CDH13: variants seen among roughly 807,000 people sequenced by gnomAD.
The protein encoded by CDH13 is cadherin-13.
CDH13 carries 24 observed loss-of-function variants against 63.8 expected under a neutral mutation model. The ratio of observed to expected loss-of-function variants is 0.38; its 90% CI spans 0.27 to 0.53. The LOEUF (loss-of-function observed/expected upper bound fraction) is 0.53, where lower values mean the gene tolerates loss of function less well. CDH13 is among the 20% of genes least tolerant of loss of function. The pLI, the probability that CDH13 is intolerant of heterozygous loss-of-function variation, is 0.85. For missense variants in CDH13, 1,049 were observed against 903.1 expected, an observed-to-expected ratio of 1.16 and a Z score of -2.07; for synonymous variants, 503 against 355.3, an observed-to-expected ratio of 1.42 and a Z score of -4.67.
At chr16:83,565,386 T>TTG (rs1283279983) in intron 7 of CDH13, among the ~76,000 whole-genome samples, 18 of 149,206 alleles carry the variant, frequency 1.2e-4, no homozygotes, top group African/African-American at 4.4e-4. Flanking sequence ...CACTGTTCTT[T>TTG]TTTTTTTTTT....
chr16:83,051,548 C>T (rs1473616875), intron 3 of CDH13, among the ~76,000 whole-genome samples: 1 of 152,154 alleles, frequency 6.6e-6, no homozygotes, highest in East Asian at 1.9e-4. Context: ...GCTACAGAAA[C>T]ATCATATACT....
rs2035155470 is a variant in CDH13, at chr16:82,768,776, G to A, written c.46-89586G>A. Among the ~76,000 whole-genome samples the A allele has an allele frequency of 3.9e-5, 6 of 152,270 alleles. No individual in the cohort carries two copies. In the South Asian group the frequency reaches 1.2e-3, roughly 32 times the overall value. On this transcript the variant is annotated intron_variant, in intron 1 of 13. Transcript: ENST00000567109. ...TCAGGCTCTGACCTCTTGTTTCTTT[G>A]CTGTCTAACCCAGCAGACCATCCTC...
Position 82,842,139 on chromosome 16 carries a change from CACATATAT to C in CDH13, c.46-16221_46-16214del, listed in dbSNP as rs1324652402. ...ATATATATATATATATATATATATACACATATATATATATATATATATATACACACACA... is the reference window on the plus strand; with the variant it reads ...ATATATATATATATATATATATATACATATATATATATATATACACACACA... On this transcript the variant is annotated intron_variant, in intron 1 of 13. Transcript: ENST00000567109. 2.4e-3 allele frequency among the ~76,000 whole-genome samples: 139 copies of C among 57,140 alleles called. 10 individuals carry two copies. Among genetic ancestry groups the C allele is most frequent in the African/African-American group, 7.7e-3 (120 of 15,598 alleles). 37.5% of individuals were successfully genotyped at this position (57,140 alleles called of 152,430 possible).
intron 6 of CDH13, among the ~76,000 whole-genome samples, chr16:83,409,286 A>T (rs1164852409): frequency 6.7e-6 from 1 of 149,698 alleles, no homozygotes; most frequent in Non-Finnish European, 1.5e-5. Flanking sequence ...TTCTTGACTG[A>T]TTGAAGGCTG....
intron 7 of CDH13, among the ~76,000 whole-genome samples, chr16:83,572,401 A>C (rs1008197922): frequency 6.6e-6 from 1 of 152,140 alleles, no homozygotes; most frequent in Admixed American, 6.6e-5. Flanking sequence ...TCGGCCTCAC[A>C]AAATGTTGGG....
rs145546064 is a variant in CDH13 at position 83,010,659 on chromosome 16, A to T, written c.158-21351A>T. Among the ~76,000 whole-genome samples the T allele has an allele frequency of 4.3e-4, 65 of 152,306 alleles. No individual in the cohort carries two copies. The South Asian group carries it at 9.9e-3, about 23-fold the overall frequency. On this transcript the variant is annotated intron_variant, in intron 2 of 13. Transcript: ENST00000567109. ...CCTCCTTGTGGGTGAATCTGCTGCA[A>T]ACAGGGCTGATGAAGTCCCTAATGG...
intron 12 of CDH13, among the ~76,000 whole-genome samples, chr16:83,781,962 A>G (rs1295432278): frequency 2.6e-5 from 4 of 152,020 alleles, no homozygotes; most frequent in Non-Finnish European, 5.9e-5. Context: ...AAAAGATTGT[A>G]TCCTCTACTA....
intron 2 of CDH13, among the ~76,000 whole-genome samples, chr16:82,876,858 C>T (rs1360896742): frequency 6.6e-6 from 1 of 152,058 alleles, no homozygotes; most frequent in Admixed American, 6.6e-5. Context: ...AGAGGTAGCC[C>T]AAACAAGGGG....
intron 2 of CDH13, among the ~76,000 whole-genome samples, chr16:82,865,834 G>T (rs1252041190): frequency 6.6e-6 from 1 of 152,072 alleles, no homozygotes; most frequent in Admixed American, 6.5e-5. Flanking sequence ...TCATCTTCAG[G>T]CTGCAAATTT....
chr16:83,060,027 C>G (rs937313057), intron 3 of CDH13, among the ~76,000 whole-genome samples: 29 of 152,112 alleles, frequency 1.9e-4, no homozygotes, highest in South Asian at 1.0e-3. Flanking sequence ...ATCTCCTGAC[C>G]TTGTGATCCG....
At chr16:83,427,829 G>T (rs943936370) in intron 6 of CDH13, among the ~76,000 whole-genome samples, 3 of 152,202 alleles carry the variant, frequency 2.0e-5, no homozygotes, top group East Asian at 3.8e-4. Flanking sequence ...GTGAGCTTCT[G>T]TTCCCCTAAT....
intron 4 of CDH13, among the ~76,000 whole-genome samples, chr16:83,163,329 C>G (rs1283601836): frequency 6.6e-6 from 1 of 151,988 alleles, no homozygotes; most frequent in Non-Finnish European, 1.5e-5. Context: ...CATAGGTTCT[C>G]TGCATTGGTT....
At position 83,308,460 on chromosome 16, in the gene CDH13, C is replaced by T. The variant is rs148478025; in HGVS notation, c.637-36402C>T. 1.1e-4 allele frequency among the ~76,000 whole-genome samples: 16 copies of T among 152,304 alleles called. No individual in the cohort carries two copies. In the East Asian group the frequency reaches 1.7e-3, roughly 17 times the overall value. ...TCTCAGAAGATCTCCTACATGAATTCCTTCAAACTTGAGAATTACATTTAC... is the reference window on the plus strand; with the variant it reads ...TCTCAGAAGATCTCCTACATGAATTTCTTCAAACTTGAGAATTACATTTAC... On this transcript the variant is annotated intron_variant, in intron 5 of 13. Transcript: ENST00000567109.
intron 3 of CDH13, among the ~76,000 whole-genome samples, chr16:83,074,279 A>G (rs927449931): frequency 3.3e-5 from 5 of 152,200 alleles, no homozygotes; most frequent in Non-Finnish European, 5.9e-5. Context: ...ATTTGACATA[A>G]CTATCTCCAG....
At chr16:83,662,618 A>T (rs1487755533) in intron 8 of CDH13, among the ~76,000 whole-genome samples, 1 of 152,122 alleles carries the variant, frequency 6.6e-6, no homozygotes. Context: ...TGTGGGGGGT[A>T]TTATCCTATT....
intron 6 of CDH13, among the ~76,000 whole-genome samples, chr16:83,400,778 C>T (rs1487887548): frequency 2.0e-5 from 3 of 152,118 alleles, no homozygotes; most frequent in Non-Finnish European, 4.4e-5. Context: ...TTCCATTTGG[C>T]CCAGTTGCTG....
At chr16:83,280,668 T>G (rs1323235260) in intron 5 of CDH13, among the ~76,000 whole-genome samples, 1 of 136,318 alleles carries the variant, frequency 7.3e-6, no homozygotes, top group South Asian at 2.6e-4. Flanking sequence ...AGAAATCATA[T>G]GCCAGCTATG....
chr16:82,896,571 C>G (rs960895224), intron 2 of CDH13, among the ~76,000 whole-genome samples: 1 of 151,670 alleles, frequency 6.6e-6, no homozygotes, highest in African/African-American at 2.4e-5. Context: ...GATGGGATTA[C>G]AGGTGTGAGC....
intron 1 of CDH13, among the ~76,000 whole-genome samples, chr16:82,659,506 A>G (rs1177546220): frequency 6.6e-6 from 1 of 152,210 alleles, no homozygotes. Flanking sequence ...ACAAAAAATA[A>G]CGTAAAACCA....
Sources: allele counts gnomAD v4.1 joint callset (sites outside exome capture counted in the v4.1 genomes callset), GRCh38; gene constraint gnomAD v4.1.1; transcripts MANE v1.5; gene names NCBI Gene and HGNC (gene_info 2026-07-23, HGNC 2026-07-21).